The following GUCY1A2 variants were observed in gnomAD, a reference collection of about 807,000 sequenced individuals.
GUCY1A2 encodes guanylate cyclase soluble subunit alpha-2.
In GUCY1A2, 27 loss-of-function variants were observed where a neutral mutation model predicts 63.5. The ratio of observed to expected loss-of-function variants is 0.43; its 90% CI spans 0.31 to 0.59. The LOEUF (loss-of-function observed/expected upper bound fraction) is 0.59, where lower values mean the gene tolerates loss of function less well. GUCY1A2 is among the 20% of genes least tolerant of loss of function. The pLI, the probability that GUCY1A2 is intolerant of heterozygous loss-of-function variation, is 0.11. For missense variants in GUCY1A2, 768 were observed against 913.3 expected (o/e 0.84, Z 2.05); for synonymous variants, 364 against 343.5 (o/e 1.06, Z -0.66).
chr11:106,690,518 T>TTGGAGGG (rs1441175546), intron 7 of GUCY1A2, among the ~76,000 whole-genome samples: 4 of 151,998 alleles, frequency 2.6e-5, no homozygotes, highest in African/African-American at 9.7e-5. Flanking sequence ...TTGGAGCCTT[T>TTGGAGGG]TGGAGGGTGG....
chr11:106,913,986 C>CAAAAAAAAAAAAAAAAAAAAAAGA (rs11325847), intron 4 of GUCY1A2, among the ~76,000 whole-genome samples: 2 of 71,244 alleles, frequency 2.8e-5, no homozygotes, highest in Non-Finnish European at 6.4e-5. Flanking sequence ...AATGAAAAAG[C>CAAAAAAAAAAAAAAAAAAAAAAGA]AAAAAAAAAA....
chr11:106,874,853 A>G (rs568179451), intron 4 of GUCY1A2, among the ~76,000 whole-genome samples: 16 of 152,168 alleles, frequency 1.1e-4, no homozygotes, highest in Admixed American at 2.0e-4. Flanking sequence ...GAAATTATGG[A>G]TGAGAATCAA....
chr11:106,932,350 T>C (rs533562385), intron 4 of GUCY1A2, among the ~76,000 whole-genome samples: 2 of 152,062 alleles, frequency 1.3e-5, no homozygotes, highest in East Asian at 1.9e-4. Context: ...ATAAAGTAAC[T>C]ATACAGGAAC....
Position 106,927,853 on chromosome 11 carries a change from T to A in GUCY1A2, c.1206+11607A>T, listed in dbSNP as rs542251120. Among the ~76,000 whole-genome samples, 64 of 151,538 alleles carry A rather than the reference T, an allele frequency of 4.2e-4. 1 individual carries two copies. Among genetic ancestry groups the A allele is most frequent in the African/African-American group, 1.5e-3 (61 of 41,260 alleles). ...TCCCAAAGTGCTGGGATTACAGGCG[T>A]GAGCCACCACGCCCGGCCTGGAATA... On this transcript the variant is annotated intron_variant, in intron 4 of 7. Coordinates refer to ENST00000526355, the MANE Select transcript of GUCY1A2 (RefSeq NM_000855.3).
chr11:106,820,209 A>AT (rs1555036221), intron 4 of GUCY1A2, among the ~76,000 whole-genome samples: 1 of 152,082 alleles, frequency 6.6e-6, no homozygotes, highest in African/African-American at 2.4e-5. Context: ...AGGGCTATTT[A>AT]TTTTTTAAAA....
At chr11:106,820,080 CTTAT>C (rs1399688726) in intron 4 of GUCY1A2, among the ~76,000 whole-genome samples, 11 of 151,962 alleles carry the variant, frequency 7.2e-5, no homozygotes, top group East Asian at 1.9e-4. Context: ...GTTTTCCTTG[CTTAT>C]TTGTTTTCCT....
chr11:106,687,601 TTTA>T lies in GUCY1A2; in HGVS notation c.2144_2146del (p.Ile715del). On this transcript the variant is annotated inframe_deletion, in exon 8 of 8. Coordinates refer to ENST00000526355, the MANE Select transcript of GUCY1A2 (RefSeq NM_000855.3). ...GGTGCCGATGTTGTAGGAAACCTTT[TTTA>T]TTCTCGACGAAGAAAGAGAAGGCTT... is the stretch of plus-strand genomic sequence containing the variant. The T allele has an allele frequency of 6.2e-7, 1 of 1,614,066 alleles. No homozygotes were observed. Among genetic ancestry groups the T allele is most frequent in the Non-Finnish European group, 8.5e-7 (1 of 1,179,944 alleles).
rs74618425 is a variant in GUCY1A2 at position 106,751,896 on chromosome 11, A to T, written c.1836+24543T>A. On this transcript the variant is annotated intron_variant, in intron 6 of 7. Coordinates refer to ENST00000526355, the MANE Select transcript of GUCY1A2 (RefSeq NM_000855.3). ...TTTCCATATTTTGCTGCAGAATTTT[A>T]TATATTTCTACATTGATAAATCTGT... Among the ~76,000 whole-genome samples the T allele has an allele frequency of 6.3e-3, 955 of 152,314 alleles. 15 individuals are homozygous for T. The highest frequency in any genetic ancestry group is 0.021 in the African/African-American group (879 of 41,566).
rs547495302 is a variant in GUCY1A2 at position 106,960,334 on chromosome 11, C to T, written c.487+18285G>A. Among the ~76,000 whole-genome samples the T allele has an allele frequency of 8.8e-4, 134 of 152,130 alleles. 1 individual carries two copies. The highest frequency in any genetic ancestry group is 1.9e-3 in the South Asian group (9 of 4,812). On this transcript the variant is annotated intron_variant, in intron 3 of 7. Coordinates refer to ENST00000526355, the MANE Select transcript of GUCY1A2 (RefSeq NM_000855.3). ...TTATATAGTACTATAAGCCATAAGT[C>T]CAAGTGTAAGATATATTACCAGGAA...
intron 6 of GUCY1A2, among the ~76,000 whole-genome samples, chr11:106,757,428 G>T (rs947693058): frequency 2.0e-5 from 3 of 152,016 alleles, no homozygotes; most frequent in Admixed American, 2.0e-4. Flanking sequence ...AGGAGAAAAG[G>T]CATTGTGATT....
chr11:107,002,997 C>A (rs917374069), intron 1 of GUCY1A2, among the ~76,000 whole-genome samples: 10 of 152,090 alleles, frequency 6.6e-5, no homozygotes, highest in African/African-American at 2.4e-4. Context: ...TTAGAGAATG[C>A]CTCTAAAGAG....
intron 3 of GUCY1A2, among the ~76,000 whole-genome samples, chr11:106,950,660 T>C (rs756178010): frequency 8.5e-5 from 13 of 152,280 alleles, no homozygotes; most frequent in Middle Eastern, 3.4e-3. Context: ...CCTGTTCAAA[T>C]TGGCGGCCAC....
At chr11:106,999,732 C>T (rs1861588302) in intron 1 of GUCY1A2, among the ~76,000 whole-genome samples, 1 of 152,112 alleles carries the variant, frequency 6.6e-6, no homozygotes, top group Non-Finnish European at 1.5e-5. Flanking sequence ...TTTCCAATTA[C>T]ATGTCCAATG....
chr11:106,687,684 C>A lies in GUCY1A2; in HGVS notation c.2064G>T (p.Lys688Asn). 6.2e-7 allele frequency: 1 copy of A among 1,613,534 alleles called. No individual in the cohort carries two copies. The highest frequency in any genetic ancestry group is 1.1e-5 in the South Asian group (1 of 91,070). Residue 688 changes from lysine (K) to asparagine (N), a missense_variant, in exon 8 of 8, where the codon AAG becomes AAT. By Grantham distance (94) the Lys-to-Asn change is moderately conservative. Coordinates refer to ENST00000526355, the MANE Select transcript of GUCY1A2 (RefSeq NM_000855.3). ...SREELPDNFP[K>N]EIPGICYFLE... ...GGAAATAGCAGATCCCAGGAATTTC[C>A]TTTGGAAAGTTGTCTGGAAGCTCTT...
intron 6 of GUCY1A2, among the ~76,000 whole-genome samples, chr11:106,750,453 A>C (rs1863863212): frequency 6.6e-6 from 1 of 152,102 alleles, no homozygotes; most frequent in Admixed American, 6.6e-5. Context: ...CAGTCCAATC[A>C]AGTTGACACC....
chr11:106,951,787 T>G (rs954547355), intron 3 of GUCY1A2, among the ~76,000 whole-genome samples: 4 of 152,218 alleles, frequency 2.6e-5, no homozygotes, highest in African/African-American at 9.6e-5. Flanking sequence ...TTGCTTTTGG[T>G]GTTTTTGTCA....
At chr11:106,959,472 A>G (rs1861032686) in intron 3 of GUCY1A2, among the ~76,000 whole-genome samples, 2 of 152,292 alleles carry the variant, frequency 1.3e-5, no homozygotes, top group African/African-American at 4.8e-5. Context: ...CTTTATGTAT[A>G]AAGTTTTCTT....
At chr11:106,920,812 T>A (rs886752366) in intron 4 of GUCY1A2, among the ~76,000 whole-genome samples, 2 of 152,098 alleles carry the variant, frequency 1.3e-5, no homozygotes, top group African/African-American at 4.8e-5. Flanking sequence ...ATTTCCTTTT[T>A]AAAAATCTAT....
intron 6 of GUCY1A2, among the ~76,000 whole-genome samples, chr11:106,760,148 G>T (rs760954063): frequency 6.6e-6 from 1 of 152,100 alleles, no homozygotes; most frequent in Non-Finnish European, 1.5e-5. Flanking sequence ...CTCCAGAACA[G>T]TGAGACAACA....
Sources: gnomAD v4.1 joint callset for allele counts (sites outside exome capture counted in the v4.1 genomes callset) on GRCh38, gnomAD v4.1.1 for gene constraint, MANE v1.5 for transcripts, NCBI Gene and HGNC (gene_info 2026-07-23, HGNC 2026-07-21) for gene names.